HGS: variants seen among roughly 807,000 people sequenced by gnomAD.
HGS encodes hepatocyte growth factor-regulated tyrosine kinase substrate, also known as human growth factor-regulated tyrosine kinase substrate.
A neutral mutation model predicts 109.7 loss-of-function variants in HGS; 63 were observed. The observed-to-expected ratio is 0.57, with a 90% CI of 0.47 to 0.71. The LOEUF is 0.71. Ranked by LOEUF, HGS falls within the 30% of genes least tolerant of loss-of-function variation. HGS has a pLI of 0.00. For synonymous variants in HGS, 546 were observed against 437.3 expected (o/e 1.25, Z -3.10); for missense variants, 995 against 1,068.3 (o/e 0.93, Z 0.96).
chr17:81,694,878 C>T (rs2037119269), intron 12 of HGS, 25 bp downstream of exon 12: 1 of 1,614,158 alleles, frequency 6.2e-7, no homozygotes, highest in Admixed American at 1.7e-5. Context: ...GGGGTGCATC[C>T]TCTCACGGTT....
At position 81,695,769 on chromosome 17, in the gene HGS, C is replaced by T; in HGVS notation, c.1180-17C>T. The T allele has an allele frequency of 6.2e-7, 1 of 1,612,552 alleles. No individual in the cohort carries two copies. Among genetic ancestry groups the T allele is most frequent in the Non-Finnish European group, 8.5e-7 (1 of 1,179,542 alleles). ...GGGGCGTGGCCGCACTCATCCAGAACCCTGCTCTGCCTGCAGCCACAGTTC... is the reference window on the plus strand; with the variant it reads ...GGGGCGTGGCCGCACTCATCCAGAATCCTGCTCTGCCTGCAGCCACAGTTC... On this transcript the variant is annotated splice_polypyrimidine_tract_variant and intron_variant, in intron 14 of 21. Coordinates refer to ENST00000329138, the MANE Select transcript of HGS (RefSeq NM_004712.5).
chr17:81,696,215 C>T lies in HGS; in HGVS notation c.1394-142C>T. The T allele has an allele frequency of 2.6e-6, 3 of 1,164,426 alleles. No individual in the cohort carries two copies. In the South Asian group the frequency reaches 4.9e-5, roughly 19 times the overall value. The allele number at this position is 1,164,426 out of a possible 1,614,324, so 72.1% of individuals were successfully genotyped here. A position where few individuals can be genotyped will look rare whatever the true frequency, so the allele number is the denominator to read the frequency against. Reference sequence around the variant, plus strand: ...GCCCTGCCCTGCCCAGGACCCTCTGCCTGCCTCCCCCAGAGCCCAGCACCT... The same window carrying T: ...GCCCTGCCCTGCCCAGGACCCTCTGTCTGCCTCCCCCAGAGCCCAGCACCT... On this transcript the variant is annotated intron_variant, in intron 15 of 21. Transcript: ENST00000329138.
chr17:81,684,454 C>T (rs2036938176), intron 1 of HGS: 1 of 253,130 alleles, frequency 4.0e-6, no homozygotes, highest in Non-Finnish European at 7.5e-6. Flanking sequence ...AAGTGGGTGA[C>T]TCAGTCGGAT....
At chr17:81,684,659 T>C (rs951775195) in intron 1 of HGS, among the ~76,000 whole-genome samples, 1 of 152,162 alleles carries the variant, frequency 6.6e-6, no homozygotes, top group African/African-American at 2.4e-5. Context: ...TGAAAGCTGA[T>C]CCTATCTGAG....
In HGS at chr17:81,691,653, T is replaced by C. The variant is rs553558810; in HGVS notation, c.662+82T>C. The C allele has an allele frequency of 4.3e-4, 671 of 1,556,376 alleles. 1 individual carries two copies. Among genetic ancestry groups the C allele is most frequent in the South Asian group, 1.0e-3 (91 of 88,828 alleles). On this transcript the variant is annotated intron_variant, in intron 8 of 21. Transcript: ENST00000329138. The surrounding 1 kb of genome is among the most constrained non-coding windows in gnomAD (Gnocchi z 5.3). ...TTCTGTCCCTCTTGGCCATGGTGCC[T>C]GAGGCCTGCAGACCCCAGAGGACCC...
chr17:81,699,244 T>G (rs1443488284), intron 18 of HGS, among the ~76,000 whole-genome samples: 1 of 152,252 alleles, frequency 6.6e-6, no homozygotes, highest in African/African-American at 2.4e-5. Context: ...AACTGGAGTG[T>G]AACATTTGTC....
chr17:81,701,173 C>G (rs377215106), intron 21 of HGS, 42 bp downstream of exon 21: 4 of 1,544,764 alleles, frequency 2.6e-6, no homozygotes, highest in South Asian at 1.1e-5. Context: ...CCGCAGGGCA[C>G]CCTCAGGCTT....
At chr17:81,698,047 T>C (rs2037182015) in intron 18 of HGS, 1 of 151,922 alleles carries the variant, frequency 6.6e-6, no homozygotes, top group African/African-American at 2.4e-5. Flanking sequence ...ACGCCTGTAG[T>C]CCCAGCACAT....
intron 5 of HGS, among the ~76,000 whole-genome samples, 160 bp from the exon 6 acceptor site, chr17:81,690,022 A>G (rs1280108660): frequency 6.6e-6 from 1 of 151,922 alleles, no homozygotes; most frequent in African/African-American, 2.4e-5. Context: ...CCATGGGGAC[A>G]CCCAATCTTG....
chr17:81,686,829 T>A (rs112851192), intron 3 of HGS, among the ~76,000 whole-genome samples, 174 bp from the exon 4 acceptor site: 4,126 of 125,522 alleles, frequency 0.033, 309 homozygotes, highest in East Asian at 0.15. Flanking sequence ...CGGGTTCCCC[T>A]CCGGCCACTG....
intron 3 of HGS, 46 bp downstream of exon 3, chr17:81,686,433 C>T (rs1423056909): frequency 2.2e-6 from 3 of 1,366,318 alleles, no homozygotes; most frequent in Non-Finnish European, 3.1e-6. Flanking sequence ...TCCCTACCCC[C>T]TACTAGTCAC....
rs144747412 is a variant in HGS at position 81,693,553 on chromosome 17, T to C, written c.713T>C (p.Leu238Pro). The C allele has an allele frequency of 2.0e-5, 32 of 1,612,474 alleles. No homozygotes were observed. The African/African-American group carries it at 2.7e-4, about 13-fold the overall frequency. ...TSTTELPPEY[L>P]TSPLSQQSQL... The stretch of plus-strand genomic sequence containing the variant: ...ACCACTGAGCTGCCCCCCGAGTACC[T>C]GACCAGCCCCCTGTCTCAGCAGTCC... The change falls in exon 9 of 22, where the codon CTG becomes CCG. Residue 238 changes from leucine to proline, a missense_variant. Physicochemically the swap from Leu to Pro is moderately conservative, Grantham distance 98. Coordinates refer to ENST00000329138, the MANE Select transcript of HGS (RefSeq NM_004712.5).
At chr17:81,701,395 CG>C (rs2037235446) in intron 21 of HGS, 112 bp from the exon 22 acceptor site, 34 of 1,179,076 alleles carry the variant, frequency 2.9e-5, no homozygotes, top group Non-Finnish European at 4.0e-5. Context: ...AGCTGCAGTC[CG>C]TGGACATGGA....
chr17:81,693,799 T>C (rs879914480), intron 10 of HGS, 47 bp downstream of exon 10: 9 of 1,547,790 alleles, frequency 5.8e-6, no homozygotes, highest in Non-Finnish European at 7.8e-6. Context: ...CCAGCTCCCC[T>C]GGATGTGCTG....
At chr17:81,685,155 T>C (rs563198281) in intron 1 of HGS, 99 of 758,426 alleles carry the variant, frequency 1.3e-4, no homozygotes, top group Non-Finnish European at 1.5e-4. Flanking sequence ...GAGTCTACAC[T>C]GCAGGCCTCT....
Position 81,700,809 on chromosome 17 carries a change from A to C in HGS, c.2131A>C (p.Met711Leu), listed in dbSNP as rs771433488. The change falls in exon 20 of 22, where the codon ATG becomes CTG. Residue 711 changes from methionine to leucine, a missense_variant. Transcript: ENST00000329138. The stretch of plus-strand genomic sequence containing the variant: ...CTCCATGGGCTACCAGCCTTACAAC[A>C]TGCAGGTACAGTGACCTCCAGGCCC... Reference protein sequence around the residue: ...SVSMGYQPYNMQNLMTTLPSQ... With the variant: ...SVSMGYQPYNLQNLMTTLPSQ... 1 of 1,611,304 alleles carries C rather than the reference A, an allele frequency of 6.2e-7. No individual in the cohort carries two copies. The highest frequency in any genetic ancestry group is 1.1e-5 in the South Asian group (1 of 90,892).
intron 14 of HGS, among the ~76,000 whole-genome samples, 175 bp downstream of exon 14, chr17:81,695,398 ACT>A (rs1238579678): frequency 2.6e-5 from 4 of 151,744 alleles, no homozygotes; most frequent in African/African-American, 4.8e-5. Flanking sequence ...CCCAATGGAA[ACT>A]CTACACCAGG....
intron 5 of HGS, among the ~76,000 whole-genome samples, chr17:81,689,677 G>A (rs867702239): frequency 6.6e-6 from 1 of 152,208 alleles, no homozygotes; most frequent in Middle Eastern, 3.2e-3. Flanking sequence ...GGGTGGGCAG[G>A]ACCAGTGTGG....
At chr17:81,696,093 T>C in intron 15 of HGS, 94 bp downstream of exon 15, 9 of 1,124,674 alleles carry the variant, frequency 8.0e-6, no homozygotes, top group Non-Finnish European at 1.1e-5. Context: ...TGCTGAGCTC[T>C]TGTGAGTCCT....
Sources: allele counts gnomAD v4.1 joint callset (sites outside exome capture counted in the v4.1 genomes callset), GRCh38; gene constraint gnomAD v4.1.1; non-coding constraint Gnocchi (gnomAD v3.1); transcripts MANE v1.5; gene names NCBI Gene and HGNC (gene_info 2026-07-23, HGNC 2026-07-21).